The following ROBO2 variants were observed in gnomAD, a reference collection of about 807,000 sequenced individuals.
ROBO2 encodes roundabout guidance receptor 2.
Under a neutral mutation model 160.8 loss-of-function variants are expected in ROBO2, and 53 were observed. The observed-to-expected ratio is 0.33, with a 90% confidence interval of 0.26 to 0.41. ROBO2 has a LOEUF of 0.41. Ranked by LOEUF, ROBO2 falls within the 10% of genes least tolerant of loss-of-function variation. The pLI is 1.00. For synonymous variants in ROBO2, 664 were observed against 611.7 expected, an observed-to-expected ratio of 1.09 and a Z score of -1.26; for missense variants, 1,577 against 1,722.4, an observed-to-expected ratio of 0.92 and a Z score of 1.49.
At chr3:76,814,641 C>A (rs1030586057) in intron 2 of ROBO2, among the ~76,000 whole-genome samples, 5 of 151,962 alleles carry the variant, frequency 3.3e-5, no homozygotes, top group African/African-American at 9.7e-5. Flanking sequence ...AAAACCTACA[C>A]TCAGCATGCC....
At chr3:76,823,787 G>A (rs1015905786) in intron 2 of ROBO2, among the ~76,000 whole-genome samples, 5 of 152,040 alleles carry the variant, frequency 3.3e-5, no homozygotes, top group South Asian at 2.1e-4. Flanking sequence ...GGGAGATAAC[G>A]GAATAATATT....
chr3:76,796,556 A>C (rs893441169), intron 2 of ROBO2, among the ~76,000 whole-genome samples: 1 of 151,402 alleles, frequency 6.6e-6, no homozygotes, highest in East Asian at 2.0e-4. Context: ...GCCACAAAAC[A>C]ATCAGAAAAT....
At chr3:76,614,930 T>C (rs1025872144) in intron 2 of ROBO2, among the ~76,000 whole-genome samples, 1 of 152,106 alleles carries the variant, frequency 6.6e-6, no homozygotes, top group African/African-American at 2.4e-5. Context: ...CAAGATTCCT[T>C]CACTCCTGAT....
intron 1 of ROBO2, among the ~76,000 whole-genome samples, chr3:77,089,024 C>G (rs950341811): frequency 6.6e-6 from 1 of 152,142 alleles, no homozygotes; most frequent in Non-Finnish European, 1.5e-5. Context: ...TTCCACTTAC[C>G]TCAAGTTTGG....
intron 2 of ROBO2, among the ~76,000 whole-genome samples, chr3:76,707,113 C>G (rs155475): frequency 2.6e-5 from 4 of 151,674 alleles, no homozygotes; most frequent in Non-Finnish European, 5.9e-5. Flanking sequence ...TATACATAGA[C>G]TATATATTAA....
chr3:76,423,604 A>C (rs1407411222), intron 2 of ROBO2, among the ~76,000 whole-genome samples: 1 of 152,134 alleles, frequency 6.6e-6, no homozygotes, highest in East Asian at 1.9e-4. Flanking sequence ...GGAAAATGGG[A>C]TTTGATCACC....
chr3:76,613,498 A>C (rs2088311452), intron 2 of ROBO2, among the ~76,000 whole-genome samples: 1 of 151,752 alleles, frequency 6.6e-6, no homozygotes, highest in Non-Finnish European at 1.5e-5. Flanking sequence ...CTCATAGCAC[A>C]CTCCTCCTCC....
intron 2 of ROBO2, among the ~76,000 whole-genome samples, chr3:76,715,926 T>A (rs767819122): frequency 6.6e-6 from 1 of 152,180 alleles, no homozygotes; most frequent in South Asian, 2.1e-4. Context: ...ATTTTTGTCA[T>A]CTTGTGTCTT....
At chr3:76,993,458 A>T (rs1559814408) in intron 2 of ROBO2, among the ~76,000 whole-genome samples, 2 of 152,322 alleles carry the variant, frequency 1.3e-5, no homozygotes, top group South Asian at 4.1e-4. Flanking sequence ...CTTCATTCAT[A>T]TCATAATTTT....
chr3:76,137,738 C>A (rs1323299053), intron 2 of ROBO2, among the ~76,000 whole-genome samples: 1 of 151,856 alleles, frequency 6.6e-6, no homozygotes, highest in Non-Finnish European at 1.5e-5. Flanking sequence ...GGCTGCCTCA[C>A]TCCTTGACTC....
At chr3:76,626,847 A>G (rs751775383) in intron 2 of ROBO2, among the ~76,000 whole-genome samples, 1 of 151,792 alleles carries the variant, frequency 6.6e-6, no homozygotes, top group Admixed American at 6.6e-5. Flanking sequence ...CGCCACCACC[A>G]CACCCAGCTA....
At chr3:76,347,458 A>G (rs1022957492) in intron 2 of ROBO2, among the ~76,000 whole-genome samples, 2 of 152,086 alleles carry the variant, frequency 1.3e-5, no homozygotes, top group South Asian at 4.1e-4. Context: ...CAGAAGGTAT[A>G]TATTTAAGTG....
At chr3:76,864,560 T>C (rs1482523705) in intron 2 of ROBO2, among the ~76,000 whole-genome samples, 1 of 152,090 alleles carries the variant, frequency 6.6e-6, no homozygotes, top group African/African-American at 2.4e-5. Flanking sequence ...ACTCCCAGCA[T>C]GTGCCTTTAT....
Position 76,561,169 on chromosome 3 carries a change from C to A in ROBO2, c.110-536845C>A, listed in dbSNP as rs528212590. On this transcript the variant is annotated intron_variant, in intron 2 of 26. Coordinates refer to the ROBO2 transcript ENST00000487694. ...TCATGTTCCAACCTTAACTAGATAA[C>A]GTATATTCTCAAAGATATTATTTTT... Among the ~76,000 whole-genome samples the A allele has an allele frequency of 2.0e-5, 3 of 151,558 alleles. No homozygotes were observed. In the South Asian group the frequency reaches 6.2e-4, roughly 32 times the overall value.
chr3:76,806,101 T>C (rs2064683469), intron 2 of ROBO2, among the ~76,000 whole-genome samples: 1 of 151,936 alleles, frequency 6.6e-6, no homozygotes, highest in Non-Finnish European at 1.5e-5. Flanking sequence ...CTTTTGATTA[T>C]GACTGTCTAC....
intron 2 of ROBO2, among the ~76,000 whole-genome samples, chr3:76,440,751 C>T (rs1368980319): frequency 2.0e-5 from 3 of 151,992 alleles, no homozygotes; most frequent in Non-Finnish European, 4.4e-5. Flanking sequence ...GCCAAGTGTG[C>T]CTCCATACCA....
chr3:76,757,893 C>T (rs757686845), intron 2 of ROBO2, among the ~76,000 whole-genome samples: 2 of 151,342 alleles, frequency 1.3e-5, no homozygotes, highest in Non-Finnish European at 3.0e-5. Context: ...GATTCAGGAA[C>T]AATATTTTTC....
intron 2 of ROBO2, among the ~76,000 whole-genome samples, chr3:76,519,627 T>G (rs1296768851): frequency 6.6e-6 from 1 of 152,174 alleles, no homozygotes; most frequent in Non-Finnish European, 1.5e-5. Context: ...TTCTCACTTT[T>G]GTATACCCGG....
chr3:77,459,570 C>G (rs571237494), intron 2 of ROBO2, among the ~76,000 whole-genome samples: 1 of 152,226 alleles, frequency 6.6e-6, no homozygotes, highest in Admixed American at 6.5e-5. Flanking sequence ...AACAAGAATA[C>G]TTTTACACAG....
Sources: allele counts gnomAD v4.1 joint callset (sites outside exome capture counted in the v4.1 genomes callset), GRCh38; gene constraint gnomAD v4.1.1; transcripts MANE v1.5; gene names NCBI Gene and HGNC (gene_info 2026-07-23, HGNC 2026-07-21).